LAMA2: variants seen among roughly 807,000 people sequenced by gnomAD.
LAMA2 encodes the protein laminin subunit alpha-2.
A neutral mutation model predicts 364.8 loss-of-function variants in LAMA2; 269 were observed. The ratio of observed to expected loss-of-function variants is 0.74; its 90% CI spans 0.67 to 0.82. LAMA2 has a LOEUF of 0.82. Among genes scored for constraint, LAMA2 ranks in the 40% least tolerant of loss-of-function variants. The probability of loss-of-function intolerance (pLI) is 0.00; values close to 1 mark genes in which losing one functional copy is unlikely to be tolerated. For synonymous variants in LAMA2, 1,379 were observed against 1,370.6 expected, an observed-to-expected ratio of 1.01 and a Z score of -0.14; for missense variants, 3,807 against 3,873.2, an observed-to-expected ratio of 0.98 and a Z score of 0.45.
chr6:129,485,643 TTG>T (rs1784551906), intron 55 of LAMA2, among the ~76,000 whole-genome samples: 1 of 152,226 alleles, frequency 6.6e-6, no homozygotes, highest in Non-Finnish European at 1.5e-5. Flanking sequence ...ATTGAGTAGT[TTG>T]TGTTTTCCCT....
Position 129,427,749 on chromosome 6 carries a change from C to T in LAMA2, c.5866-3C>T. On this transcript the variant is annotated splice_polypyrimidine_tract_variant and splice_region_variant and intron_variant, in intron 40 of 64. Coordinates refer to ENST00000421865, the MANE Select transcript of LAMA2 (RefSeq NM_000426.4). ...TGTATGACATTTGTTTTTCTGTCCA[C>T]AGGCAACAGGTCCTCGGGGTTTATT... 1 of 1,608,452 alleles carries T rather than the reference C, an allele frequency of 6.2e-7. No homozygotes were observed. Among genetic ancestry groups the T allele is most frequent in the South Asian group, 1.1e-5 (1 of 90,974 alleles).
chr6:129,242,537 A>G (rs900485641), intron 12 of LAMA2, among the ~76,000 whole-genome samples: 1 of 152,130 alleles, frequency 6.6e-6, no homozygotes, highest in Non-Finnish European at 1.5e-5. Flanking sequence ...CTAGTCAATA[A>G]GAAATCTCTG....
intron 12 of LAMA2, among the ~76,000 whole-genome samples, chr6:129,204,759 C>A (rs1013383897): frequency 6.6e-6 from 1 of 152,078 alleles, no homozygotes; most frequent in Admixed American, 6.5e-5. Flanking sequence ...TTTTTAAAAT[C>A]TCATAATTTT....
intron 1 of LAMA2, among the ~76,000 whole-genome samples, chr6:129,017,397 T>C (rs974216866): frequency 1.3e-5 from 2 of 152,068 alleles, no homozygotes; most frequent in African/African-American, 2.4e-5. Context: ...CATATTTACA[T>C]ATGTACATCC....
At chr6:129,488,098 A>T (rs1325548400) in intron 56 of LAMA2, among the ~76,000 whole-genome samples, 1 of 152,320 alleles carries the variant, frequency 6.6e-6, no homozygotes, top group East Asian at 1.9e-4. Flanking sequence ...TCATGAGGTC[A>T]GGAGTTCGAG....
intron 34 of LAMA2, among the ~76,000 whole-genome samples, chr6:129,381,457 A>G (rs1171518376): frequency 1.3e-5 from 2 of 152,004 alleles, no homozygotes; most frequent in Admixed American, 6.6e-5. Flanking sequence ...CAGAAGTAAC[A>G]TTTAAATAAT....
intron 1 of LAMA2, among the ~76,000 whole-genome samples, chr6:129,048,293 T>G (rs944343226): frequency 6.6e-6 from 1 of 152,130 alleles, no homozygotes; most frequent in Non-Finnish European, 1.5e-5. Context: ...CTGTCCCTAC[T>G]ATGTGCCAAG....
intron 10 of LAMA2, among the ~76,000 whole-genome samples, chr6:129,184,467 G>C (rs1351367250): frequency 6.6e-6 from 1 of 151,770 alleles, no homozygotes; most frequent in Non-Finnish European, 1.5e-5. Flanking sequence ...TTTTGATGAG[G>C]CCTCATCGTT....
chr6:129,021,904 C>T (rs929831099), intron 1 of LAMA2, among the ~76,000 whole-genome samples: 1 of 152,172 alleles, frequency 6.6e-6, no homozygotes, highest in Non-Finnish European at 1.5e-5. Flanking sequence ...AAGACTCCTC[C>T]AGAATGTGGT....
chr6:129,403,505 G>A (rs554484555), intron 39 of LAMA2, among the ~76,000 whole-genome samples: 3 of 152,310 alleles, frequency 2.0e-5, no homozygotes, highest in African/African-American at 7.2e-5. Context: ...GAATCTCACA[G>A]CATGCTTCAC....
At position 129,372,428 on chromosome 6, in the gene LAMA2, C is replaced by T. The variant is rs1195298307; in HGVS notation, c.4959+2438C>T. Among the ~76,000 whole-genome samples the T allele has an allele frequency of 2.0e-5, 3 of 152,266 alleles. No homozygotes were observed. The East Asian group carries it at 5.8e-4, about 29-fold the overall frequency. ...TACTTTTTCATATTAGCTTCTTTCCCTTGGTAATATACACTTAAGGTTTCT... is the reference window on the plus strand; with the variant it reads ...TACTTTTTCATATTAGCTTCTTTCCTTTGGTAATATACACTTAAGGTTTCT... On this transcript the variant is annotated intron_variant, in intron 34 of 64. Coordinates refer to ENST00000421865, the MANE Select transcript of LAMA2 (RefSeq NM_000426.4).
intron 1 of LAMA2, among the ~76,000 whole-genome samples, chr6:129,037,366 T>C (rs1002445851): frequency 2.0e-5 from 3 of 152,176 alleles, no homozygotes; most frequent in Admixed American, 1.3e-4. Context: ...TGTATTATTG[T>C]AAACAGTATA....
At chr6:129,011,884 T>C (rs764292301) in intron 1 of LAMA2, among the ~76,000 whole-genome samples, 48 of 152,230 alleles carry the variant, frequency 3.2e-4, no homozygotes, top group Non-Finnish European at 6.0e-4. Flanking sequence ...TATCATCCTA[T>C]GTTTTTGATA....
At chr6:129,425,044 C>G (rs1204943033) in intron 40 of LAMA2, among the ~76,000 whole-genome samples, 1 of 151,928 alleles carries the variant, frequency 6.6e-6, no homozygotes, top group African/African-American at 2.4e-5. Flanking sequence ...AGAATGTTTC[C>G]ATTTGTATAA....
chr6:129,124,445 G>T (rs1776993777), intron 4 of LAMA2, among the ~76,000 whole-genome samples: 1 of 152,212 alleles, frequency 6.6e-6, no homozygotes, highest in African/African-American at 2.4e-5. Context: ...TAAGCTGAGG[G>T]TTCCTCTTCT....
intron 14 of LAMA2, 121 bp from the exon 15 acceptor site, chr6:129,260,590 G>C: frequency 1.3e-6 from 1 of 758,310 alleles, no homozygotes; most frequent in Non-Finnish European, 2.4e-6. Flanking sequence ...GTATTCATCA[G>C]CTTCCTTTCT....
chr6:129,460,073 T>G (rs1783171913), intron 48 of LAMA2, 127 bp from the exon 49 acceptor site: 2 of 894,846 alleles, frequency 2.2e-6, no homozygotes, highest in African/African-American at 3.3e-5. Flanking sequence ...AATATGTACA[T>G]ATGCCAAAAT....
At chr6:128,918,848 C>A (rs1778517479) in intron 1 of LAMA2, among the ~76,000 whole-genome samples, 1 of 152,206 alleles carries the variant, frequency 6.6e-6, no homozygotes, top group East Asian at 1.9e-4. Flanking sequence ...GCCTTCTGAT[C>A]ATTTTCCTGA....
At chr6:129,445,104 T>A (rs1005099706) in intron 44 of LAMA2, among the ~76,000 whole-genome samples, 13 of 152,228 alleles carry the variant, frequency 8.5e-5, no homozygotes, top group Non-Finnish European at 1.9e-4. Flanking sequence ...GAAATTGAAC[T>A]GCACCATGAA....
Sources: gnomAD v4.1 joint callset for allele counts (sites outside exome capture counted in the v4.1 genomes callset) on GRCh38, gnomAD v4.1.1 for gene constraint, MANE v1.5 for transcripts, NCBI Gene and HGNC (gene_info 2026-07-23, HGNC 2026-07-21) for gene names.